FBN2: variants seen among roughly 807,000 people sequenced by gnomAD.
FBN2 encodes fibrillin 2.
In FBN2, 105 loss-of-function variants were observed where a neutral mutation model predicts 355.6. The ratio of observed to expected loss-of-function variants is 0.30; its 90% confidence interval spans 0.25 to 0.35. The LOEUF (loss-of-function observed/expected upper bound fraction) is 0.35. FBN2 is among the 10% of genes least tolerant of loss of function. FBN2 has a pLI of 1.00. For missense variants in FBN2, 3,280 were observed against 3,758.7 expected (o/e 0.87, Z 3.33); for synonymous variants, 1,350 against 1,301.2 (o/e 1.04, Z -0.81).
In FBN2 at chr5:128,287,738, T is replaced by C. The variant is rs42280; in HGVS notation, c.6758-308A>G. 0.12 allele frequency among the ~76,000 whole-genome samples: 17,701 copies of C among 152,136 alleles called. 2,063 individuals carry two copies. The highest frequency in any genetic ancestry group is 0.6 in the East Asian group (3,090 of 5,158). On this transcript the variant is annotated intron_variant, in intron 53 of 64. Coordinates refer to ENST00000262464, the MANE Select transcript of FBN2 (RefSeq NM_001999.4). The stretch of plus-strand genomic sequence containing the variant: ...TCTGAAATTACCCTCCAGATGACCA[T>C]GGCCTGGCAGTGCTGTCATCTGGTA...
At chr5:128,425,151 C>A (rs1056345196) in intron 7 of FBN2, among the ~76,000 whole-genome samples, 5 of 151,712 alleles carry the variant, frequency 3.3e-5, no homozygotes, top group Non-Finnish European at 5.9e-5. Flanking sequence ...AAAACATAGA[C>A]CTTTAAGACA....
rs1403929477 is a variant in FBN2 at position 128,312,636 on chromosome 5, C to T, written c.4877G>A (p.Ser1626Asn). 3.1e-6 allele frequency: 5 copies of T among 1,614,028 alleles called. No homozygotes were observed. Among genetic ancestry groups the T allele is most frequent in the Non-Finnish European group, 4.2e-6 (5 of 1,180,010 alleles). Reference sequence around the variant, plus strand: ...CTCTTCTTCAGCTTTGTACTTACTGCTATTGACAGGGGGGCATGTCTCACA... The same window carrying T: ...CTCTTCTTCAGCTTTGTACTTACTGTTATTGACAGGGGGGCATGTCTCACA... ...NPCETCPPVN[S>N]TEYYTLCPGG... Residue 1626 changes from serine (S) to asparagine (N), a missense_variant and splice_region_variant, in exon 37 of 65, where the codon AGC (serine) becomes AAC (asparagine). This residue lies in a region of FBN2 where 2,284 missense variants were observed against 2,749.5 expected (regional missense o/e 0.83). Coordinates refer to ENST00000262464, the MANE Select transcript of FBN2 (RefSeq NM_001999.4).
At chr5:128,454,997 A>C (rs1375254073) in intron 6 of FBN2, among the ~76,000 whole-genome samples, 1 of 152,222 alleles carries the variant, frequency 6.6e-6, no homozygotes, top group Non-Finnish European at 1.5e-5. Flanking sequence ...TGGTACAAAA[A>C]TTAATAATTA....
rs182509672 is a variant in FBN2 at position 128,279,208 on chromosome 5, C to G, written c.7139-367G>C. 3.7e-4 allele frequency among the ~76,000 whole-genome samples: 57 copies of G among 152,204 alleles called. 1 individual carries two copies. Among genetic ancestry groups the G allele is most frequent in the Admixed American group, 3.3e-3 (51 of 15,294 alleles). On this transcript the variant is annotated intron_variant, in intron 56 of 64. Coordinates refer to ENST00000262464, the MANE Select transcript of FBN2 (RefSeq NM_001999.4). ...AGGATTAGTTTCTGGAAAGCAAACT[C>G]TAGACTATATTTTATGAGCTTGGTA...
At chr5:128,327,916 G>A (rs1190342303) in intron 34 of FBN2, among the ~76,000 whole-genome samples, 1 of 152,218 alleles carries the variant, frequency 6.6e-6, no homozygotes, top group African/African-American at 2.4e-5. Context: ...GGGAATATAG[G>A]CGTGAGCCAC....
rs770193908 is a variant in FBN2 at position 128,274,602 on chromosome 5, G to A, written c.7676C>T (p.Pro2559Leu). 1.2e-6 allele frequency: 2 copies of A among 1,611,668 alleles called. No individual in the cohort carries two copies. The highest frequency in any genetic ancestry group is 1.3e-5 in the African/African-American group (1 of 74,968). The change falls in exon 60 of 65, where the codon CCA becomes CTA. Residue 2559 changes from proline (P) to leucine (L), a missense_variant. Around this residue, in one of 6 missense-constraint regions of FBN2, gnomAD observed 2,284 missense variants for 2,749.5 expected, o/e 0.83. Coordinates refer to ENST00000262464, the MANE Select transcript of FBN2 (RefSeq NM_001999.4). ...AGTGTGATGCTGTGTGAAACCAGGTGGACATTTACAGGTAAACCCCCCCAG... is the reference window on the plus strand; with the variant it reads ...AGTGTGATGCTGTGTGAAACCAGGTAGACATTTACAGGTAAACCCCCCCAG... ...NTLGGFTCKC[P>L]PGFTQHHTAC...
At chr5:128,506,905 G>T (rs1417307528) in intron 5 of FBN2, among the ~76,000 whole-genome samples, 1 of 151,984 alleles carries the variant, frequency 6.6e-6, no homozygotes, top group African/African-American at 2.4e-5. Context: ...AGTGAAACAC[G>T]ATGTTTTTTA....
chr5:128,476,724 G>T (rs1216717807), intron 5 of FBN2, among the ~76,000 whole-genome samples: 1 of 151,728 alleles, frequency 6.6e-6, no homozygotes, highest in African/African-American at 2.4e-5. Context: ...CAGGTTTACA[G>T]CTTTGTACCA....
Position 128,305,858 on chromosome 5 carries a change from C to A in FBN2, c.5513G>T (p.Gly1838Val). 6.2e-7 allele frequency: 1 copy of A among 1,614,006 alleles called. No homozygotes were observed. The highest frequency in any genetic ancestry group is 8.5e-7 in the Non-Finnish European group (1 of 1,179,918). ...CAACAGCAGGTCATTGTAACTGAAT[C>A]CTGTAGGGCATTCACAGCGGAAACT... Reference protein sequence around the residue: ...IGSFRCECPTGFSYNDLLLVC... With the variant: ...IGSFRCECPTVFSYNDLLLVC... Residue 1838 changes from glycine (G) to valine (V), a missense_variant, in exon 43 of 65, where the codon GGA becomes GTA. By Grantham distance (109) the Gly-to-Val change is moderately radical (BLOSUM62 -3). Coordinates refer to ENST00000262464, the MANE Select transcript of FBN2 (RefSeq NM_001999.4).
chr5:128,278,797 A>G lies in FBN2; in HGVS notation c.7183T>C (p.Cys2395Arg). The change falls in exon 57 of 65, where the codon TGT becomes CGT. Residue 2395 changes from cysteine to arginine, a missense_variant. This residue lies in a region of FBN2 where 2,284 missense variants were observed against 2,749.5 expected (regional missense o/e 0.83). Transcript: ENST00000262464. ...TTGCGACTACTGGATGCCATTTGAC[A>G]TATTGTCTGCAGTACCTCTGCAAAG... Reference protein sequence around the residue: ...LCFAEVLQTICQMASSSRNLV... With the variant: ...LCFAEVLQTIRQMASSSRNLV... 2 of 1,614,052 alleles carry G rather than the reference A, an allele frequency of 1.2e-6. No individual in the cohort carries two copies. The highest frequency in any genetic ancestry group is 1.7e-6 in the Non-Finnish European group (2 of 1,180,000).
chr5:128,382,817 T>C (rs1410166733), intron 11 of FBN2, among the ~76,000 whole-genome samples: 1 of 152,084 alleles, frequency 6.6e-6, no homozygotes, highest in African/African-American at 2.4e-5. Context: ...TACATCACTA[T>C]TGTCATAATT....
chr5:128,368,487 CACAT>C (rs1751842295), intron 16 of FBN2, among the ~76,000 whole-genome samples: 1 of 99,798 alleles, frequency 1.0e-5, no homozygotes, highest in Non-Finnish European at 2.0e-5. Flanking sequence ...CATATATATA[CACAT>C]ATATATACAT....
At chr5:128,394,379 G>A (rs753138034) in intron 9 of FBN2, among the ~76,000 whole-genome samples, 2 of 152,020 alleles carry the variant, frequency 1.3e-5, no homozygotes, top group Non-Finnish European at 2.9e-5. Context: ...TTACCACAGC[G>A]TAGTTAATGA....
At chr5:128,310,387 TA>T (rs1561763484) in intron 39 of FBN2, among the ~76,000 whole-genome samples, 22 of 12,548 alleles carry the variant, frequency 1.8e-3, no homozygotes, top group African/African-American at 7.0e-3. Context: ...TATATATATA[TA>T]TATATATATA....
intron 16 of FBN2, 147 bp from the exon 17 acceptor site, chr5:128,366,577 C>T: frequency 1.9e-6 from 1 of 532,534 alleles, no homozygotes; most frequent in East Asian, 3.2e-5. Flanking sequence ...TTCTAGCAAA[C>T]AATTATTATA....
intron 19 of FBN2, among the ~76,000 whole-genome samples, 160 bp from the exon 20 acceptor site, chr5:128,357,555 A>G (rs1361937731): frequency 6.6e-6 from 1 of 152,200 alleles, no homozygotes; most frequent in African/African-American, 2.4e-5. Flanking sequence ...GGAGACATGC[A>G]TTTTACATCG....
At chr5:128,261,187 C>G (rs532627106) in intron 64 of FBN2, among the ~76,000 whole-genome samples, 46 of 152,282 alleles carry the variant, frequency 3.0e-4, no homozygotes, top group African/African-American at 9.4e-4. Flanking sequence ...CTGCAGCCCA[C>G]CCCTTTAAAC....
chr5:128,444,002 A>C (rs1219567049), intron 7 of FBN2, among the ~76,000 whole-genome samples: 1 of 146,112 alleles, frequency 6.8e-6, no homozygotes, highest in Non-Finnish European at 1.5e-5. Context: ...TTCCAGATAT[A>C]TTATACTACT....
At chr5:128,354,514 G>A (rs1181301602) in intron 20 of FBN2, among the ~76,000 whole-genome samples, 1 of 152,206 alleles carries the variant, frequency 6.6e-6, no homozygotes, top group Non-Finnish European at 1.5e-5. Flanking sequence ...TAGTGGCTAT[G>A]TGGAGAACTG....
Sources: gnomAD v4.1 joint callset for allele counts (sites outside exome capture counted in the v4.1 genomes callset) on GRCh38, gnomAD v4.1.1 for gene constraint, gnomAD v4.1.1 regional missense constraint, MANE v1.5 for transcripts, NCBI Gene and HGNC (gene_info 2026-07-23, HGNC 2026-07-21) for gene names.